The following RGS6 variants were observed in gnomAD, a reference collection of about 807,000 sequenced individuals.
RGS6 encodes the protein regulator of G protein signaling 6, also known as regulator of G-protein signaling 6.
Under a neutral mutation model 78.5 loss-of-function variants are expected in RGS6, and 30 were observed. That is an observed-to-expected ratio of 0.38 (90% confidence interval 0.29 to 0.52). The LOEUF (loss-of-function observed/expected upper bound fraction) is 0.52, where lower values mean the gene tolerates loss of function less well. RGS6 is among the 20% of genes least tolerant of loss of function. RGS6 has a pLI of 0.85. For missense variants in RGS6, 495 were observed against 609.7 expected (o/e 0.81, Z 1.98); for synonymous variants, 206 against 206.0 (o/e 1.00, Z 0.00).
chr14:71,989,633 C>G (rs938519900), intron 2 of RGS6, among the ~76,000 whole-genome samples: 1 of 152,190 alleles, frequency 6.6e-6, no homozygotes, highest in Admixed American at 6.5e-5. Context: ...ACCTCTTGAC[C>G]TGGGGTCTGG....
chr14:72,240,672 TAAG>T (rs764662063), intron 2 of RGS6, among the ~76,000 whole-genome samples: 2 of 152,210 alleles, frequency 1.3e-5, no homozygotes, highest in Non-Finnish European at 2.9e-5. Flanking sequence ...CTTCTCAATA[TAAG>T]AAGAGTTTGG....
At chr14:72,055,455 A>T (rs1205718429) in intron 2 of RGS6, among the ~76,000 whole-genome samples, 1 of 152,236 alleles carries the variant, frequency 6.6e-6, no homozygotes, top group Non-Finnish European at 1.5e-5. Flanking sequence ...ATGCCTGCTT[A>T]GTTTGATGGC....
intron 3 of RGS6, among the ~76,000 whole-genome samples, chr14:72,408,193 C>T (rs1357065692): frequency 6.6e-6 from 1 of 152,222 alleles, no homozygotes; most frequent in Non-Finnish European, 1.5e-5. Flanking sequence ...CTTCTGAAGA[C>T]TGACTTGCAC....
chr14:72,382,982 G>T (rs969393520), intron 3 of RGS6, among the ~76,000 whole-genome samples: 1 of 151,744 alleles, frequency 6.6e-6, no homozygotes, highest in African/African-American at 2.4e-5. Context: ...AGGTGTGGAG[G>T]TACTCGGTAT....
chr14:72,380,426 G>A (rs1467547088), intron 3 of RGS6, among the ~76,000 whole-genome samples: 1 of 151,474 alleles, frequency 6.6e-6, no homozygotes, highest in Non-Finnish European at 1.5e-5. Flanking sequence ...CTGACAGGAG[G>A]TCAATATCCA....
intron 2 of RGS6, among the ~76,000 whole-genome samples, chr14:72,279,068 C>T (rs983868155): frequency 5.3e-5 from 8 of 151,974 alleles, no homozygotes; most frequent in Admixed American, 6.6e-5. Flanking sequence ...CTGTAAAGGG[C>T]GCTATCTCCA....
intron 2 of RGS6, among the ~76,000 whole-genome samples, chr14:72,275,631 C>T (rs1023035841): frequency 6.6e-6 from 1 of 152,204 alleles, no homozygotes. Flanking sequence ...TCTATAGCAT[C>T]TATTGGCATA....
intron 1 of RGS6, among the ~76,000 whole-genome samples, chr14:71,953,903 T>G (rs2153004549): frequency 6.6e-6 from 1 of 151,328 alleles, no homozygotes; most frequent in African/African-American, 2.4e-5. Flanking sequence ...TGCTTGTCTG[T>G]GAAAGTCTTT....
At chr14:72,212,534 G>A (rs2044431716) in intron 2 of RGS6, among the ~76,000 whole-genome samples, 1 of 152,156 alleles carries the variant, frequency 6.6e-6, no homozygotes, top group Non-Finnish European at 1.5e-5. Context: ...AAATTGGCAG[G>A]CATGTTACTT....
chr14:72,196,691 A>G (rs1335249021), intron 2 of RGS6, among the ~76,000 whole-genome samples: 2 of 152,236 alleles, frequency 1.3e-5, no homozygotes, highest in Admixed American at 1.3e-4. Flanking sequence ...TCCTCTTCAA[A>G]TACTTGGGAT....
At position 72,264,565 on chromosome 14, in the gene RGS6, C is replaced by T. The variant is rs187972095; in HGVS notation, c.85-87530C>T. Reference sequence around the variant, plus strand: ...ATCAGGTCAACTTGAAACTTGTTTGCAACTCTCTATTTGTAACAACCTTTG... The same window carrying T: ...ATCAGGTCAACTTGAAACTTGTTTGTAACTCTCTATTTGTAACAACCTTTG... On this transcript the variant is annotated intron_variant, in intron 2 of 17. Transcript: ENST00000553525. Among the ~76,000 whole-genome samples, 215 of 152,330 alleles carry T rather than the reference C, an allele frequency of 1.4e-3. 1 individual carries two copies. Among genetic ancestry groups the T allele is most frequent in the African/African-American group, 4.8e-3 (201 of 41,588 alleles).
intron 10 of RGS6, among the ~76,000 whole-genome samples, chr14:72,475,843 C>CACAG (rs1331303640): frequency 4.0e-5 from 6 of 151,584 alleles, no homozygotes; most frequent in Non-Finnish European, 7.4e-5. Flanking sequence ...CACACACACA[C>CACAG]ACACACACAC....
intron 2 of RGS6, among the ~76,000 whole-genome samples, chr14:72,313,023 T>TGGGAATGACCTTGGAGC (rs1443948534): frequency 7.2e-5 from 11 of 152,204 alleles, no homozygotes; most frequent in African/African-American, 2.4e-4. Flanking sequence ...GACCTTGCAG[T>TGGGAATGACCTTGGAGC]GGGAATGACC....
chr14:72,272,853 G>A (rs941372934), intron 2 of RGS6, among the ~76,000 whole-genome samples: 12 of 152,204 alleles, frequency 7.9e-5, no homozygotes, highest in African/African-American at 2.7e-4. Flanking sequence ...AATGGCTCAC[G>A]CCTGTAATCC....
chr14:72,404,906 C>G lies in RGS6; in HGVS notation c.185-49622C>G, dbSNP rs567898767. Among the ~76,000 whole-genome samples, 8 of 152,136 alleles carry G rather than the reference C, an allele frequency of 5.3e-5. No homozygotes were observed. In the East Asian group the frequency reaches 1.5e-3, roughly 29 times the overall value. On this transcript the variant is annotated intron_variant, in intron 3 of 17. Coordinates refer to ENST00000553525, the MANE Select transcript of RGS6 (RefSeq NM_001204424.2). Reference sequence around the variant, plus strand: ...TCTCAGTTTCTCCCTAGGAGAGTGCCCAGCAGGGTGATGAGCCAGGAAGAT... The same window carrying G: ...TCTCAGTTTCTCCCTAGGAGAGTGCGCAGCAGGGTGATGAGCCAGGAAGAT...
intron 12 of RGS6, among the ~76,000 whole-genome samples, chr14:72,489,733 GGC>G (rs1440661440): frequency 2.9e-4 from 33 of 114,764 alleles, no homozygotes; most frequent in African/African-American, 1.1e-3. Context: ...GGAGAGGCAA[GGC>G]GAGGTGAGAC....
intron 3 of RGS6, among the ~76,000 whole-genome samples, chr14:72,381,225 A>C (rs2086005176): frequency 6.6e-6 from 1 of 152,106 alleles, no homozygotes; most frequent in Non-Finnish European, 1.5e-5. Flanking sequence ...AGTAAGTTCT[A>C]GTGCTCTATA....
At chr14:72,005,891 A>G (rs919804645) in intron 2 of RGS6, among the ~76,000 whole-genome samples, 1 of 151,702 alleles carries the variant, frequency 6.6e-6, no homozygotes, top group Non-Finnish European at 1.5e-5. Context: ...TTTCTTAAGC[A>G]AAGTTTGGCC....
At chr14:72,580,187 G>C in the RGS6 span, among the ~76,000 whole-genome samples, 1 of 152,112 alleles carries the variant, frequency 6.6e-6, no homozygotes, top group African/African-American at 2.4e-5. Context: ...ATTCCTCTCT[G>C]TGCTGCTTCT....
Sources: allele counts gnomAD v4.1 joint callset (sites outside exome capture counted in the v4.1 genomes callset), GRCh38; gene constraint gnomAD v4.1.1; transcripts MANE v1.5; gene names NCBI Gene and HGNC (gene_info 2026-07-23, HGNC 2026-07-21).